Variants in KAZN observed in about 807,000 individuals in gnomAD.
KAZN encodes the protein kazrin, periplakin interacting protein, also known as kazrin.
KAZN carries 40 observed loss-of-function variants against 87.4 expected under a neutral mutation model. The observed-to-expected ratio is 0.46, with a 90% CI of 0.36 to 0.60. The LOEUF (loss-of-function observed/expected upper bound fraction) is 0.60, where lower values mean the gene tolerates loss of function less well. Ranked by LOEUF, KAZN falls within the 20% of genes least tolerant of loss-of-function variation. The pLI is 0.00. For synonymous variants in KAZN, 466 were observed against 458.3 expected (o/e 1.02, Z -0.22); for missense variants, 898 against 1,073.9 (o/e 0.84, Z 2.29).
intron 1 of KAZN, among the ~76,000 whole-genome samples, chr1:14,755,086 GCAAAAAA>G (rs1644522010): frequency 2.0e-5 from 1 of 49,998 alleles, no homozygotes; most frequent in Admixed American, 1.6e-4. Context: ...TACTAAAAAT[GCAAAAAA>G]AAAAAAAAAA....
At chr1:14,168,035 A>G (rs1645870322) in intron 1 of KAZN, among the ~76,000 whole-genome samples, 1 of 152,112 alleles carries the variant, frequency 6.6e-6, no homozygotes, top group Admixed American at 6.5e-5. Flanking sequence ...AACACCACAC[A>G]ATCTTCTGTC....
intron 1 of KAZN, among the ~76,000 whole-genome samples, chr1:14,871,358 A>T (rs113355088): frequency 0.012 from 1,758 of 152,144 alleles, 31 homozygotes; most frequent in African/African-American, 0.041. Flanking sequence ...GCTTCCTGGT[A>T]AAGCTCTGGT....
chr1:14,056,242 C>T (rs933815797), intron 1 of KAZN, among the ~76,000 whole-genome samples: 1 of 152,192 alleles, frequency 6.6e-6, no homozygotes, highest in Non-Finnish European at 1.5e-5. Flanking sequence ...AGACGAGCTC[C>T]GCAGGTGTGA....
chr1:14,832,895 C>A (rs1359703114), intron 1 of KAZN, among the ~76,000 whole-genome samples: 1 of 152,182 alleles, frequency 6.6e-6, no homozygotes, highest in Non-Finnish European at 1.5e-5. Flanking sequence ...GGAACCCAAG[C>A]GTGCTCATTC....
At chr1:14,329,678 C>A in intron 2 of KAZN, among the ~76,000 whole-genome samples, 1 of 152,206 alleles carries the variant, frequency 6.6e-6, no homozygotes, top group Admixed American at 6.5e-5. Flanking sequence ...CCAGACAGAC[C>A]TCAGGTTGAA....
At chr1:13,995,679 T>A (rs180821584) in intron 1 of KAZN, among the ~76,000 whole-genome samples, 13 of 152,344 alleles carry the variant, frequency 8.5e-5, no homozygotes, top group Admixed American at 7.8e-4. Context: ...GTTGGGAGAC[T>A]GGCCTAGCCT....
chr1:15,100,170 T>C (rs547499728), intron 10 of KAZN, among the ~76,000 whole-genome samples: 95 of 152,102 alleles, frequency 6.2e-4, no homozygotes, highest in African/African-American at 2.2e-3. Flanking sequence ...AGATGGGTAA[T>C]ACAGAGACAG....
chr1:14,370,305 G>T (rs1317991053), intron 2 of KAZN, among the ~76,000 whole-genome samples: 1 of 152,136 alleles, frequency 6.6e-6, no homozygotes. Flanking sequence ...CTTCCTTCAG[G>T]AGGCCCAGGC....
At position 14,638,741 on chromosome 1, in the gene KAZN, G is replaced by A. The variant is rs1019800493; in HGVS notation, c.226+39518G>A. The stretch of plus-strand genomic sequence containing the variant: ...GCTAGAACGGGTCTTGCCTCCTTCC[G>A]CTTCTCCATCTTCACCGCCACTCTC... On this transcript the variant is annotated intron_variant, in intron 1 of 14. Coordinates refer to ENST00000376030, the MANE Select transcript of KAZN (RefSeq NM_201628.3). Among the ~76,000 whole-genome samples, 4 of 152,068 alleles carry A rather than the reference G, an allele frequency of 2.6e-5. No homozygotes were observed. The East Asian group carries it at 5.8e-4, about 22-fold the overall frequency.
chr1:15,007,614 G>A (rs552633480), intron 2 of KAZN, among the ~76,000 whole-genome samples: 105 of 152,306 alleles, frequency 6.9e-4, no homozygotes, highest in African/African-American at 2.4e-3. Context: ...CAGCCGACCC[G>A]TTGGGTAGTG....
At chr1:15,046,889 T>TCC (rs1673612420) in intron 4 of KAZN, among the ~76,000 whole-genome samples, 1 of 152,348 alleles carries the variant, frequency 6.6e-6, no homozygotes, top group East Asian at 1.9e-4. Flanking sequence ...CAGGTCTTTC[T>TCC]CATGCCTTGT....
intron 1 of KAZN, among the ~76,000 whole-genome samples, chr1:14,157,472 T>A (rs1645618218): frequency 6.6e-6 from 1 of 152,228 alleles, no homozygotes; most frequent in Non-Finnish European, 1.5e-5. Context: ...TTCTCTTTCA[T>A]GTTTGAAGGA....
chr1:14,451,566 C>T (rs1667277336), intron 2 of KAZN, among the ~76,000 whole-genome samples: 1 of 150,192 alleles, frequency 6.7e-6, no homozygotes, highest in African/African-American at 2.5e-5. Context: ...AGAACAAAAA[C>T]AGACCAGCAG....
intron 10 of KAZN, among the ~76,000 whole-genome samples, chr1:15,097,267 C>T (rs551758003): frequency 6.6e-6 from 1 of 152,250 alleles, no homozygotes; most frequent in African/African-American, 2.4e-5. Context: ...GGGTGGGACT[C>T]TCTGGCCCAC....
intron 2 of KAZN, among the ~76,000 whole-genome samples, chr1:14,278,438 C>T (rs372366334): frequency 1.3e-5 from 2 of 151,616 alleles, no homozygotes; most frequent in East Asian, 2.0e-4. Context: ...TACAGGTACC[C>T]GCCACCATGC....
intron 2 of KAZN, among the ~76,000 whole-genome samples, chr1:14,382,951 C>T (rs1661507774): frequency 6.6e-6 from 1 of 151,158 alleles, no homozygotes; most frequent in African/African-American, 2.4e-5. Context: ...TAAAAGTGTT[C>T]CTATTTCTCC....
intron 1 of KAZN, among the ~76,000 whole-genome samples, chr1:14,862,792 C>T (rs1367226321): frequency 6.6e-6 from 1 of 152,204 alleles, no homozygotes; most frequent in Non-Finnish European, 1.5e-5. Context: ...GCTTTGCAAA[C>T]CAGGACACAG....
At chr1:14,263,738 T>G (rs1156477461) in intron 2 of KAZN, among the ~76,000 whole-genome samples, 1 of 152,244 alleles carries the variant, frequency 6.6e-6, no homozygotes, top group African/African-American at 2.4e-5. Context: ...ACTGAACTGC[T>G]AAATAGTTAT....
intron 2 of KAZN, among the ~76,000 whole-genome samples, chr1:14,481,681 C>CA (rs547365234): frequency 0.22 from 29,995 of 138,596 alleles, 3,659 homozygotes; most frequent in East Asian, 0.58. Context: ...ATTGTTTAGG[C>CA]AAAAAAAAAA....
Sources: allele counts gnomAD v4.1 joint callset (sites outside exome capture counted in the v4.1 genomes callset), GRCh38; gene constraint gnomAD v4.1.1; transcripts MANE v1.5; gene names NCBI Gene and HGNC (gene_info 2026-07-23, HGNC 2026-07-21).